Variants in ZNF521 observed in about 807,000 individuals in gnomAD.
ZNF521 encodes LYST-interacting protein 3.
Under a neutral mutation model 105.5 loss-of-function variants are expected in ZNF521, and 14 were observed. The observed-to-expected ratio is 0.13, with a 90% CI of 0.09 to 0.21. The LOEUF is 0.21. ZNF521 is among the 10% of genes least tolerant of loss of function. The pLI, the probability that ZNF521 is intolerant of heterozygous loss-of-function variation, is 1.00. For missense variants in ZNF521, 1,233 were observed against 1,629.7 expected (o/e 0.76, Z 4.19); for synonymous variants, 635 against 606.0 (o/e 1.05, Z -0.70).
At chr18:25,297,770 T>G (rs901222075) in intron 3 of ZNF521, among the ~76,000 whole-genome samples, 2 of 152,172 alleles carry the variant, frequency 1.3e-5, no homozygotes, top group African/African-American at 4.8e-5. Flanking sequence ...ATAAAAACTC[T>G]GTTTTTAAGG....
In ZNF521 at chr18:25,224,397, T is replaced by C; in HGVS notation, c.3521A>G (p.Lys1174Arg). 1 of 1,613,892 alleles carries C rather than the reference T, an allele frequency of 6.2e-7. No individual in the cohort carries two copies. Among genetic ancestry groups the C allele is most frequent in the Non-Finnish European group, 8.5e-7 (1 of 1,179,982 alleles). Reference sequence around the variant, plus strand: ...GGGCATTGGTGATACTTGGGGCGTTTTCAACTGTGTGCTGTTGCTGTCTGG... The same window carrying C: ...GGGCATTGGTGATACTTGGGGCGTTCTCAACTGTGTGCTGTTGCTGTCTGG... ...LVPDSNSTQL[K>R]TPQVSPMPRI... The change falls in exon 4 of 8, where the codon AAA becomes AGA. Residue 1174 changes from lysine (K) to arginine (R), a missense_variant. Lys to Arg is a conservative substitution (Grantham distance 26, BLOSUM62 2). This residue lies in a region of ZNF521 where 614 missense variants were observed against 751.5 expected (regional missense o/e 0.82). Coordinates refer to ENST00000361524, the MANE Select transcript of ZNF521 (RefSeq NM_015461.3).
intron 5 of ZNF521, among the ~76,000 whole-genome samples, chr18:25,117,046 C>T (rs56180711): frequency 1.5e-4 from 12 of 78,580 alleles, no homozygotes; most frequent in East Asian, 4.5e-4. Context: ...CACACACACA[C>T]ATATATATAC....
At chr18:25,239,037 A>G (rs73409117) in intron 3 of ZNF521, among the ~76,000 whole-genome samples, 10,774 of 152,184 alleles carry the variant, frequency 0.071, 391 homozygotes, top group South Asian at 0.099. Context: ...TCTGTAATGG[A>G]ACATCATTGA....
intron 4 of ZNF521, among the ~76,000 whole-genome samples, chr18:25,195,681 G>A (rs1431013195): frequency 4.0e-5 from 6 of 151,490 alleles, no homozygotes; most frequent in East Asian, 3.9e-4. Context: ...TAAGTAATAC[G>A]GCTAATAAGT....
chr18:25,235,325 C>G (rs1906813980), intron 3 of ZNF521, among the ~76,000 whole-genome samples: 2 of 152,154 alleles, frequency 1.3e-5, no homozygotes, highest in South Asian at 4.2e-4. Flanking sequence ...CAGTAAATTT[C>G]TCAATGCTAC....
intron 7 of ZNF521, among the ~76,000 whole-genome samples, chr18:25,070,337 A>G (rs901441833): frequency 1.1e-4 from 16 of 152,314 alleles, no homozygotes; most frequent in African/African-American, 3.6e-4. Context: ...ACGTCCAGAA[A>G]AAGGGTGATC....
intron 7 of ZNF521, among the ~76,000 whole-genome samples, chr18:25,084,066 G>A (rs1019625523): frequency 6.7e-6 from 1 of 149,060 alleles, no homozygotes; most frequent in African/African-American, 2.5e-5. Context: ...TTACAGGCAT[G>A]AGCCACTGTG....
At chr18:25,063,261 C>A (rs1175184441) in intron 7 of ZNF521, among the ~76,000 whole-genome samples, 2 of 152,190 alleles carry the variant, frequency 1.3e-5, no homozygotes, top group Non-Finnish European at 2.9e-5. Flanking sequence ...AACAGGGGCT[C>A]TATCTGCCCC....
chr18:25,297,237 T>C (rs1911375534), intron 3 of ZNF521, among the ~76,000 whole-genome samples: 1 of 151,994 alleles, frequency 6.6e-6, no homozygotes, highest in African/African-American at 2.4e-5. Context: ...ACACTAGATA[T>C]ACGTAAAGAA....
chr18:25,067,934 A>T (rs2033112696), intron 7 of ZNF521, among the ~76,000 whole-genome samples: 1 of 152,234 alleles, frequency 6.6e-6, no homozygotes, highest in African/African-American at 2.4e-5. Context: ...TGATTCAAAG[A>T]TGTTAATCAT....
intron 5 of ZNF521, among the ~76,000 whole-genome samples, chr18:25,179,297 A>G (rs540246991): frequency 9.3e-5 from 14 of 151,116 alleles, no homozygotes; most frequent in African/African-American, 3.2e-4. Context: ...AGGATTACAC[A>G]TGCCACCACA....
intron 7 of ZNF521, among the ~76,000 whole-genome samples, chr18:25,065,664 AT>A (rs2033040158): frequency 6.6e-6 from 1 of 152,078 alleles, no homozygotes; most frequent in South Asian, 2.1e-4. Flanking sequence ...TAATTACATT[AT>A]TTTCAAATGT....
Position 25,203,835 on chromosome 18 carries a change from T to C in ZNF521, c.3574-8591A>G, listed in dbSNP as rs535179325. On this transcript the variant is annotated intron_variant, in intron 4 of 7. Coordinates refer to ENST00000361524, the MANE Select transcript of ZNF521 (RefSeq NM_015461.3). ...ATTTATTTAAGTATATGAAGTATAT[T>C]TATTGATACAACCAAAGCTCATGTT... Among the ~76,000 whole-genome samples the C allele has an allele frequency of 9.7e-4, 148 of 152,338 alleles. 1 individual carries two copies. Among genetic ancestry groups the C allele is most frequent in the Non-Finnish European group, 1.9e-3 (128 of 68,040 alleles).
intron 3 of ZNF521, among the ~76,000 whole-genome samples, chr18:25,256,016 A>G (rs1376554866): frequency 2.0e-5 from 3 of 147,890 alleles, no homozygotes; most frequent in Non-Finnish European, 4.5e-5. Context: ...TATGATATAT[A>G]TATGGTATAT....
At chr18:25,200,254 CGA>C in intron 4 of ZNF521, among the ~76,000 whole-genome samples, 1 of 152,212 alleles carries the variant, frequency 6.6e-6, no homozygotes, top group Non-Finnish European at 1.5e-5. Flanking sequence ...AAGTAACTTA[CGA>C]GAGCGAAGGA....
chr18:25,144,880 A>G (rs933846152), intron 5 of ZNF521, among the ~76,000 whole-genome samples: 15 of 152,188 alleles, frequency 9.9e-5, no homozygotes, highest in Non-Finnish European at 1.5e-4. Context: ...GTCCAAGAAA[A>G]TATCTACTGC....
chr18:25,227,125 T>A lies in ZNF521; in HGVS notation c.793A>T (p.Ile265Phe), dbSNP rs1424892848. 6.2e-7 allele frequency: 1 copy of A among 1,614,018 alleles called. No individual in the cohort carries two copies. The highest frequency in any genetic ancestry group is 1.7e-5 in the Admixed American group (1 of 59,998). Residue 265 changes from isoleucine to phenylalanine, a missense_variant, in exon 4 of 8, where the codon ATT becomes TTT. Ile to Phe is a conservative substitution (Grantham distance 21, BLOSUM62 0). Transcript: ENST00000361524. This position sits in a 1 kb window ranked among gnomAD's most constrained non-coding sequence, Gnocchi z 5.7. ...GAGCATTCGGGGTGGCACTCTGCAA[T>A]GTGTTTTTGGAGGTCTTCCGGGAAG... ...FDFPEDLQKH[I>F]AECHPECSPN...
chr18:25,271,449 T>G (rs1909653563), intron 3 of ZNF521, among the ~76,000 whole-genome samples: 1 of 152,122 alleles, frequency 6.6e-6, no homozygotes, highest in South Asian at 2.1e-4. Flanking sequence ...AAAAAGAGCC[T>G]GCATAGCCAT....
chr18:25,200,205 T>C (rs374911236), intron 4 of ZNF521, among the ~76,000 whole-genome samples: 1 of 152,210 alleles, frequency 6.6e-6, no homozygotes, highest in African/African-American at 2.4e-5. Flanking sequence ...TATAATTAAG[T>C]AGTGCTTTGG....
Sources: allele counts gnomAD v4.1 joint callset (sites outside exome capture counted in the v4.1 genomes callset), GRCh38; gene constraint gnomAD v4.1.1; regional missense constraint gnomAD v4.1.1; non-coding constraint Gnocchi (gnomAD v3.1); transcripts MANE v1.5; gene names NCBI Gene and HGNC (gene_info 2026-07-23, HGNC 2026-07-21).